Variants in ABCF2 observed in about 807,000 individuals in gnomAD.
The protein encoded by ABCF2 is ATP binding cassette subfamily F member 2, also known as ATP-binding cassette sub-family F member 2.
Under a neutral mutation model 76.9 loss-of-function variants are expected in ABCF2, and 37 were observed. The ratio of observed to expected loss-of-function variants is 0.48; its 90% confidence interval spans 0.37 to 0.63. ABCF2 has a LOEUF of 0.63. Among genes scored for constraint, ABCF2 ranks in the 30% least tolerant of loss-of-function variants. The pLI is 0.00. For synonymous variants in ABCF2, 299 were observed against 283.7 expected, an observed-to-expected ratio of 1.05 and a Z score of -0.54; for missense variants, 524 against 782.1, an observed-to-expected ratio of 0.67 and a Z score of 3.94.
chr7:151,215,888 C>CGGCT lies in ABCF2; in HGVS notation c.1401+75_1401+78dup. The CGGCT allele has an allele frequency of 3.5e-5, 55 of 1,580,788 alleles. No individual in the cohort carries two copies. Among genetic ancestry groups the CGGCT allele is most frequent in the Non-Finnish European group, 4.7e-5 (54 of 1,155,636 alleles). ...TGGAATTCCTGCCAGGGGGTGGGGG[C>CGGCT]GGCTGGCTGGAACTCAGCCAGATAC... On this transcript the variant is annotated intron_variant, in intron 12 of 14. Transcript: ENST00000287844. The surrounding 1 kb of genome is among the most constrained non-coding windows in gnomAD (Gnocchi z 4.6).
Position 151,213,834 on chromosome 7 carries a change from G to A in ABCF2, c.*220C>T. ...GGAACGGCCAGCCGAGTCCAGACAT[G>A]GACAGATGTAACTGGAAGGAGGACA... On this transcript the variant is annotated 3_prime_UTR_variant, in exon 15 of 15. Transcript: ENST00000287844. The A allele has an allele frequency of 2.2e-6, 3 of 1,388,658 alleles. No homozygotes were observed. The highest frequency in any genetic ancestry group is 1.7e-5 in the South Asian group (1 of 59,078). 86.0% of individuals were successfully genotyped at this position (1,388,658 alleles called of 1,614,324 possible).
Position 151,215,508 on chromosome 7 carries a change from G to A in ABCF2, c.1530+96C>T, listed in dbSNP as rs891096534. ...AATGGAGGAGACTCTGGTTTGGACA[G>A]CTTCCAAACCCAGGCTGCCAGGACA... On this transcript the variant is annotated intron_variant, in intron 13 of 14. Coordinates refer to ENST00000287844, the MANE Select transcript of ABCF2 (RefSeq NM_007189.3). The surrounding 1 kb of genome is among the most constrained non-coding windows in gnomAD (Gnocchi z 4.6). 97 of 1,498,310 alleles carry A rather than the reference G, an allele frequency of 6.5e-5. No individual in the cohort carries two copies. The highest frequency in any genetic ancestry group is 8.4e-5 in the Non-Finnish European group (92 of 1,099,136). 92.8% of individuals were successfully genotyped at this position (1,498,310 alleles called of 1,614,324 possible).
chr7:151,226,721 C>T, intron 1 of ABCF2: 2 of 363,130 alleles, frequency 5.5e-6, no homozygotes, highest in Non-Finnish European at 9.9e-6. Context: ...GCACCAGTCC[C>T]CCACGGACTG....
intron 3 of ABCF2, among the ~76,000 whole-genome samples, 162 bp from the exon 4 acceptor site, chr7:151,224,276 G>A (rs1315142017): frequency 1.3e-5 from 2 of 151,772 alleles, no homozygotes; most frequent in African/African-American, 2.4e-5. Flanking sequence ...CCATTCTTGG[G>A]ATTCCTTTCT....
At chr7:151,223,551 C>T in intron 5 of ABCF2, 127 bp downstream of exon 5, 4 of 1,121,232 alleles carry the variant, frequency 3.6e-6, no homozygotes, top group Non-Finnish European at 3.7e-6. Flanking sequence ...CCCCTCCACA[C>T]TGCAGATGTC....
rs753312719 is a variant in ABCF2, at chr7:151,213,665, A to G, written c.*389T>C. ...GAATCGGGGCGGTGGGCTGGGGGGT[A>G]CTCCTCCAACATCACCAAAACCCAG... On this transcript the variant is annotated 3_prime_UTR_variant, in exon 15 of 15. Transcript: ENST00000287844. 3 of 1,014,216 alleles carry G rather than the reference A, an allele frequency of 3.0e-6. No individual in the cohort carries two copies. The highest frequency in any genetic ancestry group is 3.5e-6 in the Non-Finnish European group (3 of 850,482). The allele number at this position is 1,014,216 out of a possible 1,614,324, so 62.8% of individuals were successfully genotyped here. A position where few individuals can be genotyped will look rare whatever the true frequency, so the allele number is the denominator to read the frequency against.
rs77026433 is a variant in ABCF2 at position 151,225,238 on chromosome 7, C to T, written c.155-250G>A. Among the ~76,000 whole-genome samples, 690 of 152,316 alleles carry T rather than the reference C, an allele frequency of 4.5e-3. 3 individuals are homozygous for T. Among genetic ancestry groups the T allele is most frequent in the African/African-American group, 0.016 (661 of 41,558 alleles). On this transcript the variant is annotated intron_variant, in intron 2 of 14. Transcript: ENST00000287844. ...ACTACTGTGGCCAGGAATAAAACTT[C>T]CCCACAGCCTGACTTTATTGCTCTT... is the stretch of plus-strand genomic sequence containing the variant.
At position 151,218,763 on chromosome 7, in the gene ABCF2, C is replaced by A. The variant is rs1802204494; in HGVS notation, c.1128G>T (p.Val376=). 6.2e-7 allele frequency: 1 copy of A among 1,613,720 alleles called. No homozygotes were observed. The highest frequency in any genetic ancestry group is 8.5e-7 in the Non-Finnish European group (1 of 1,180,016). The change falls in exon 9 of 15, where the codon GTG becomes GTT. Residue 376 remains valine (V), a synonymous_variant. Transcript: ENST00000287844. ...MMASGLTERV[V]SDKTLSFYFP... is the part of the protein sequence containing the mutation. ...CCCAATCACACCCCACCTTATCGCT[C>A]ACGACCCTCTCTGTCAGTCCTGATG...
At position 151,218,229 on chromosome 7, in the gene ABCF2, G is replaced by C. The variant is rs1406989617; in HGVS notation, c.1228-38C>G. The C allele has an allele frequency of 2.1e-6, 3 of 1,417,738 alleles. No individual in the cohort carries two copies. In the East Asian group the frequency reaches 6.8e-5, roughly 32 times the overall value. 87.8% of individuals were successfully genotyped at this position (1,417,738 alleles called of 1,614,324 possible). ...TGAGAGAGATGTGGACACAAGGCTAGAATACAGATCTGCTATGACCAGCAG... is the reference window on the plus strand; with the variant it reads ...TGAGAGAGATGTGGACACAAGGCTACAATACAGATCTGCTATGACCAGCAG... On this transcript the variant is annotated intron_variant, in intron 10 of 14. Transcript: ENST00000287844.
chr7:151,213,954 A>G lies in ABCF2; in HGVS notation c.*100T>C. The G allele has an allele frequency of 6.5e-7, 1 of 1,548,292 alleles. No individual in the cohort carries two copies. Among genetic ancestry groups the G allele is most frequent in the Non-Finnish European group, 8.7e-7 (1 of 1,154,546 alleles). ...AGGCTGGGGGAGCAGTATTGCAGCA[A>G]TGCAGGAGTGTAGCCCCAGGGTCCT... On this transcript the variant is annotated 3_prime_UTR_variant, in exon 15 of 15. Coordinates refer to ENST00000287844, the MANE Select transcript of ABCF2 (RefSeq NM_007189.3).
In ABCF2 at chr7:151,224,070, T is replaced by C; in HGVS notation, c.412A>G (p.Ile138Val). ...LSAIGKREVP[I>V]PEHIDIYHLT... is the part of the protein sequence containing the mutation. Reference sequence around the variant, plus strand: ...TGGTAGATGTCGATGTGCTCAGGGATGGGCACTTCACGCTTCCCAATAGCA... The same window carrying C: ...TGGTAGATGTCGATGTGCTCAGGGACGGGCACTTCACGCTTCCCAATAGCA... The change falls in exon 4 of 15, where the codon ATC (isoleucine) becomes GTC (valine). Residue 138 changes from isoleucine to valine, a missense_variant. Physicochemically the swap from Ile to Val is conservative, Grantham distance 29. Around this residue, in one of 2 missense-constraint regions of ABCF2, gnomAD observed 330 missense variants for 433.6 expected, o/e 0.76. Coordinates refer to ENST00000287844, the MANE Select transcript of ABCF2 (RefSeq NM_007189.3). The C allele has an allele frequency of 6.2e-7, 1 of 1,614,194 alleles. No individual in the cohort carries two copies. Among genetic ancestry groups the C allele is most frequent in the African/African-American group, 1.3e-5 (1 of 75,052 alleles).
chr7:151,214,272 AG>A lies in ABCF2; in HGVS notation c.1735-82del. The A allele has an allele frequency of 6.2e-7, 1 of 1,603,680 alleles. No individual in the cohort carries two copies. The highest frequency in any genetic ancestry group is 8.5e-7 in the Non-Finnish European group (1 of 1,174,364). On this transcript the variant is annotated intron_variant, in intron 14 of 14. Coordinates refer to ENST00000287844, the MANE Select transcript of ABCF2 (RefSeq NM_007189.3). This position sits in a 1 kb window ranked among gnomAD's most constrained non-coding sequence, Gnocchi z 4.9. ...CAGCAGACTGTCCTGAGGGGCGTCT[AG>A]GAAGAAAACTCCGCCCCCCAAACCC...
rs964296895 is a variant in ABCF2, at chr7:151,214,792, G to A, written c.1734+87C>T. 3 of 1,284,370 alleles carry A rather than the reference G, an allele frequency of 2.3e-6. No homozygotes were observed. Among genetic ancestry groups the A allele is most frequent in the African/African-American group, 2.9e-5 (2 of 68,428 alleles). The allele number at this position is 1,284,370 out of a possible 1,614,324, so 79.6% of individuals were successfully genotyped here. A position where few individuals can be genotyped will look rare whatever the true frequency, so the allele number is the denominator to read the frequency against. On this transcript the variant is annotated intron_variant, in intron 14 of 14. Transcript: ENST00000287844. The surrounding 1 kb of genome is among the most constrained non-coding windows in gnomAD (Gnocchi z 4.9). ...GCCCCTTCTCTTAATTCAGTAGGCG[G>A]GTATTATGCACCCTCCACATGCCAT... is the stretch of plus-strand genomic sequence containing the variant.
In ABCF2 at chr7:151,223,729, T is replaced by A. The variant is rs61739226; in HGVS notation, c.671A>T (p.Lys224Met). ...GLGFTPAMQR[K>M]KLKDFSGGWR... The stretch of plus-strand genomic sequence containing the variant: ...GCCCCCACTGAAGTCTTTTAGCTTC[T>A]TGCGCTGCATGGCAGGTGTGAAACC... Residue 224 changes from lysine (K) to methionine (M), a missense_variant, in exon 5 of 15, where the codon AAG becomes ATG. Transcript: ENST00000287844. The A allele has an allele frequency of 3.5e-3, 5,684 of 1,612,606 alleles. 199 individuals are homozygous for A. The African/African-American group carries it at 0.066, about 19-fold the overall frequency.
chr7:151,226,806 G>C (rs1802382635), intron 1 of ABCF2: 1 of 196,616 alleles, frequency 5.1e-6, no homozygotes, highest in South Asian at 1.2e-4. Context: ...GGAGGTCTCC[G>C]TCTCCGGTTT....
intron 7 of ABCF2, among the ~76,000 whole-genome samples, chr7:151,220,307 T>C (rs754170116): frequency 2.0e-5 from 3 of 148,776 alleles, no homozygotes; most frequent in Admixed American, 6.8e-5. Flanking sequence ...GAGAGTCCCT[T>C]GAACCTGGGA....
Position 151,212,446 on chromosome 7 carries a change from C to T in ABCF2, c.*1608G>A, listed in dbSNP as rs1171157913. On this transcript the variant is annotated 3_prime_UTR_variant, in exon 15 of 15. Coordinates refer to ENST00000287844, the MANE Select transcript of ABCF2 (RefSeq NM_007189.3). Reference sequence around the variant, plus strand: ...ATGCAAACTCCTGGCCATCTCTGCACCTCTCTCATTCTACCAAATGCGATT... The same window carrying T: ...ATGCAAACTCCTGGCCATCTCTGCATCTCTCTCATTCTACCAAATGCGATT... The T allele has an allele frequency of 4.1e-6, 4 of 985,474 alleles. No individual in the cohort carries two copies. The African/African-American group carries it at 7.0e-5, about 17-fold the overall frequency. The allele number at this position is 985,474 out of a possible 1,614,324, so 61.0% of individuals were successfully genotyped here.
rs770483507 is a variant in ABCF2, at chr7:151,224,795, G to A, written c.348C>T (p.Leu116=). The change falls in exon 3 of 15, where the codon CTC becomes CTT. Residue 116 remains leucine (L), a synonymous_variant. Transcript: ENST00000287844. ...CCTCACCAATTCCATTTAAACCAAT[G>A]AGGCCATAACGACGGCCTGAGTTTA... ...LELNSGRRYG[L]IGLNGIGKSM... is the part of the protein sequence containing the mutation. 6.2e-7 allele frequency: 1 copy of A among 1,614,152 alleles called. No homozygotes were observed. The highest frequency in any genetic ancestry group is 1.1e-5 in the South Asian group (1 of 91,080).
At chr7:151,223,885 C>A (rs367603460) in intron 4 of ABCF2, 36 bp from the exon 5 acceptor site, 91 of 1,605,056 alleles carry the variant, frequency 5.7e-5, no homozygotes, top group Non-Finnish European at 6.6e-5. Context: ...CTCCTGGGGG[C>A]CTTTCTGGGA....
Sources: allele counts gnomAD v4.1 joint callset (sites outside exome capture counted in the v4.1 genomes callset), GRCh38; gene constraint gnomAD v4.1.1; regional missense constraint gnomAD v4.1.1; non-coding constraint Gnocchi (gnomAD v3.1); transcripts MANE v1.5; gene names NCBI Gene and HGNC (gene_info 2026-07-23, HGNC 2026-07-21).